Variants in STON1 observed in about 807,000 individuals in gnomAD.
STON1 encodes the protein stonin 1, also known as stonin-1.
In STON1, 79 loss-of-function variants were observed where a neutral mutation model predicts 60.9. The ratio of observed to expected loss-of-function variants is 1.30; its 90% CI spans 1.08 to 1.56. The LOEUF is 1.56. Ranked by LOEUF, STON1 falls within the 40% of genes most tolerant of loss-of-function variation. The pLI is 0.00. For synonymous variants in STON1, 363 were observed against 306.9 expected, an observed-to-expected ratio of 1.18 and a Z score of -1.91; for missense variants, 1,166 against 858.9, an observed-to-expected ratio of 1.36 and a Z score of -4.47.
At chr2:48,595,188 C>T (rs75657371) in intron 3 of STON1, 40 bp from the exon 4 acceptor site, 19 of 1,511,206 alleles carry the variant, frequency 1.3e-5, no homozygotes, top group Non-Finnish European at 1.7e-5. Flanking sequence ...TGCTGTGTTG[C>T]ATTTGTTAAT....
chr2:48,582,385 C>A lies in STON1; in HGVS notation c.1752C>A (p.Thr584=). The change falls in exon 2 of 4, where the codon ACC becomes ACA. Residue 584 remains threonine, a synonymous_variant. Transcript: ENST00000404752. The part of the protein sequence containing the change: ...VPSQWIKALW[T]MNLQRQKSLK... Reference sequence around the variant, plus strand: ...CGCAGTGGATCAAGGCCCTTTGGACCATGAACCTCCAGAGGCAGAAGTCTC... The same window carrying A: ...CGCAGTGGATCAAGGCCCTTTGGACAATGAACCTCCAGAGGCAGAAGTCTC... 5.0e-6 allele frequency: 8 copies of A among 1,614,134 alleles called. No homozygotes were observed. Among genetic ancestry groups the A allele is most frequent in the Non-Finnish European group, 6.8e-6 (8 of 1,180,040 alleles).
chr2:48,560,357 C>T lies in STON1; in HGVS notation c.-47-20230C>T, dbSNP rs1046388567. ...TTCAGAATCAAAATTCAGGCATCAC[C>T]ATCTAGTGACCACAGGGTCCTGCAC... On this transcript the variant is annotated intron_variant, in intron 1 of 3. Transcript: ENST00000404752. Among the ~76,000 whole-genome samples the T allele has an allele frequency of 3.9e-5, 6 of 152,206 alleles. No individual in the cohort carries two copies. The South Asian group carries it at 1.2e-3, about 32-fold the overall frequency.
At chr2:48,531,029 C>G (rs1188191138) in intron 1 of STON1, 1 of 152,174 alleles carries the variant, frequency 6.6e-6, no homozygotes, top group African/African-American at 2.4e-5. Context: ...TTTCTAATAT[C>G]TAAAGACAGA....
intron 1 of STON1, among the ~76,000 whole-genome samples, chr2:48,533,377 C>A: frequency 6.6e-6 from 1 of 150,952 alleles, no homozygotes; most frequent in Non-Finnish European, 1.5e-5. Flanking sequence ...GAGACTCCGT[C>A]TCAGAAAAGA....
intron 1 of STON1, among the ~76,000 whole-genome samples, chr2:48,532,216 C>G (rs6716868): frequency 6.6e-6 from 1 of 151,888 alleles, no homozygotes; most frequent in Non-Finnish European, 1.5e-5. Flanking sequence ...GGCCAGGTGG[C>G]GGGAACCTGT....
chr2:48,570,002 G>A (rs1673119403), intron 1 of STON1, among the ~76,000 whole-genome samples: 1 of 152,232 alleles, frequency 6.6e-6, no homozygotes, highest in East Asian at 1.9e-4. Context: ...ATTTTTAAAC[G>A]ATTTAGAGTC....
chr2:48,562,496 C>T (rs1672653676), intron 1 of STON1, among the ~76,000 whole-genome samples: 3 of 152,170 alleles, frequency 2.0e-5, no homozygotes, highest in South Asian at 2.1e-4. Flanking sequence ...ATTTTGCTAA[C>T]GTTAATTTAT....
At chr2:48,554,722 T>A (rs369716812) in intron 1 of STON1, among the ~76,000 whole-genome samples, 34,967 of 99,446 alleles carry the variant, frequency 0.35, 10,442 homozygotes, top group African/African-American at 0.44. Flanking sequence ...TTTTTTTTTT[T>A]TTTATTTATT....
At chr2:48,563,485 A>C (rs1572950841) in intron 1 of STON1, among the ~76,000 whole-genome samples, 3 of 152,074 alleles carry the variant, frequency 2.0e-5, no homozygotes. Flanking sequence ...TGATGCTAAG[A>C]CCCTGCTAAG....
At chr2:48,553,578 C>T (rs945585692) in intron 1 of STON1, among the ~76,000 whole-genome samples, 2 of 152,058 alleles carry the variant, frequency 1.3e-5, no homozygotes, top group African/African-American at 4.8e-5. Flanking sequence ...ACCTCTGCCT[C>T]CCGGGTTCAA....
intron 1 of STON1, among the ~76,000 whole-genome samples, chr2:48,563,660 C>G (rs575436758): frequency 3.3e-5 from 5 of 151,630 alleles, no homozygotes; most frequent in African/African-American, 1.2e-4. Flanking sequence ...GAGGCACACC[C>G]TCCACGTGGC....
chr2:48,537,299 T>G (rs1319745977), intron 1 of STON1, among the ~76,000 whole-genome samples: 2 of 152,342 alleles, frequency 1.3e-5, no homozygotes, highest in Middle Eastern at 3.4e-3. Context: ...ATTCTTAATA[T>G]TTTTTAACAA....
At chr2:48,578,571 CT>C (rs1673671536) in intron 1 of STON1, among the ~76,000 whole-genome samples, 1 of 100,628 alleles carries the variant, frequency 9.9e-6, no homozygotes, top group Non-Finnish European at 2.2e-5. Context: ...CCTCCTCCTC[CT>C]CCTCCTTCCT....
At chr2:48,558,190 T>G (rs1403281221) in intron 1 of STON1, among the ~76,000 whole-genome samples, 1 of 152,240 alleles carries the variant, frequency 6.6e-6, no homozygotes, top group East Asian at 1.9e-4. Context: ...ACCATTGCAC[T>G]TCTAGCCTGG....
rs1243560514 is a variant in STON1 at position 48,557,001 on chromosome 2, C to A, written c.-47-23586C>A. Among the ~76,000 whole-genome samples the A allele has an allele frequency of 3.1e-4, 24 of 78,076 alleles. 1 individual carries two copies. The highest frequency in any genetic ancestry group is 1.2e-3 in the African/African-American group (23 of 19,850). 51.2% of individuals were successfully genotyped at this position (78,076 alleles called of 152,430 possible). A position where few individuals can be genotyped will look rare whatever the true frequency, so the allele number is the denominator to read the frequency against. ...ACCCCCCCACCTCCCTCCTGGACGG[C>A]ACGGCTGCCCGGGCGGGGGGGCTGA... is the stretch of plus-strand genomic sequence containing the variant. On this transcript the variant is annotated intron_variant, in intron 1 of 3. Coordinates refer to ENST00000404752, the MANE Select transcript of STON1 (RefSeq NM_006873.4).
At chr2:48,573,678 T>G (rs905940599) in intron 1 of STON1, among the ~76,000 whole-genome samples, 1 of 152,230 alleles carries the variant, frequency 6.6e-6, no homozygotes, top group Non-Finnish European at 1.5e-5. Context: ...TTTCCACACC[T>G]AGGTATATAC....
chr2:48,587,324 G>A (rs190671819), intron 2 of STON1, among the ~76,000 whole-genome samples: 9 of 152,024 alleles, frequency 5.9e-5, no homozygotes, highest in South Asian at 2.1e-4. Context: ...ACGGAGTCTC[G>A]CTCTGCCACC....
At chr2:48,582,672 G>A (rs1309624953) in intron 2 of STON1, 109 bp downstream of exon 2, 1 of 1,484,234 alleles carries the variant, frequency 6.7e-7, no homozygotes, top group East Asian at 2.4e-5. Context: ...TGTCAGCTGA[G>A]GCTGTGCTTT....
At chr2:48,568,182 T>C (rs941387453) in intron 1 of STON1, among the ~76,000 whole-genome samples, 1 of 152,142 alleles carries the variant, frequency 6.6e-6, no homozygotes, top group African/African-American at 2.4e-5. Context: ...CGATGATGCC[T>C]TCCTGAGCTC....
Sources: allele counts gnomAD v4.1 joint callset (sites outside exome capture counted in the v4.1 genomes callset), GRCh38; gene constraint gnomAD v4.1.1; transcripts MANE v1.5; gene names NCBI Gene and HGNC (gene_info 2026-07-23, HGNC 2026-07-21).